Variants in FOXP1 observed in about 807,000 individuals in gnomAD.
The protein encoded by FOXP1 is forkhead box protein P1.
Under a neutral mutation model 98.2 loss-of-function variants are expected in FOXP1, and 15 were observed. The observed-to-expected ratio is 0.15, with a 90% CI of 0.10 to 0.24. FOXP1 has a LOEUF of 0.24. Ranked by LOEUF, FOXP1 falls within the 10% of genes least tolerant of loss-of-function variation. FOXP1 has a pLI of 1.00. For missense variants in FOXP1, 633 were observed against 848.5 expected, an observed-to-expected ratio of 0.75 and a Z score of 3.15; for synonymous variants, 371 against 314.5, an observed-to-expected ratio of 1.18 and a Z score of -1.90.
chr3:70,973,390 C>G (rs2036761797), intron 17 of FOXP1, among the ~76,000 whole-genome samples: 1 of 152,174 alleles, frequency 6.6e-6, no homozygotes, highest in Non-Finnish European at 1.5e-5. Context: ...GGCAAAATGA[C>G]TATATTCCTA....
At chr3:70,992,112 C>T (rs928125285) in intron 13 of FOXP1, among the ~76,000 whole-genome samples, 2 of 152,166 alleles carry the variant, frequency 1.3e-5, no homozygotes, top group East Asian at 1.9e-4. Context: ...GAAACGACTG[C>T]GGTCTCACCT....
Position 71,268,089 on chromosome 3 carries a change from T to TC in FOXP1, c.-12+31730dup, listed in dbSNP as rs201272618. Among the ~76,000 whole-genome samples the TC allele has an allele frequency of 5.4e-3, 740 of 136,878 alleles. 29 individuals are homozygous for TC. The highest frequency in any genetic ancestry group is 0.02 in the African/African-American group (709 of 36,070). 89.8% of individuals were successfully genotyped at this position (136,878 alleles called of 152,430 possible). A position where few individuals can be genotyped will look rare whatever the true frequency, so the allele number is the denominator to read the frequency against. The stretch of plus-strand genomic sequence containing the variant: ...TCAGCTTCTTTTTTTTCTTTTCTTT[T>TC]CTTTTTTTTTTTTTTTTTTGAGACA... On this transcript the variant is annotated intron_variant, in intron 5 of 20. Coordinates refer to ENST00000649528, the MANE Select transcript of FOXP1 (RefSeq NM_001349338.3).
intron 3 of FOXP1, among the ~76,000 whole-genome samples, chr3:71,379,306 C>T (rs766567987): frequency 5.9e-5 from 9 of 152,308 alleles, no homozygotes; most frequent in Middle Eastern, 3.4e-3. Flanking sequence ...CAACAAATTA[C>T]ACTGGACCGC....
chr3:71,311,126 C>G (rs535553815), intron 4 of FOXP1, among the ~76,000 whole-genome samples: 34 of 152,262 alleles, frequency 2.2e-4, no homozygotes, highest in African/African-American at 8.2e-4. Flanking sequence ...GTTGCCCAAG[C>G]TGGAGTGCAG....
chr3:71,583,784 T>C, upstream of FOXP1: 2 of 986,416 alleles, frequency 2.0e-6, no homozygotes, highest in Non-Finnish European at 2.4e-6. Flanking sequence ...CGGACTAGCT[T>C]CCCGGAGCCC....
chr3:71,391,799 A>AT (rs1205311419), intron 3 of FOXP1, among the ~76,000 whole-genome samples: 1 of 152,218 alleles, frequency 6.6e-6, no homozygotes, highest in African/African-American at 2.4e-5. Context: ...GCAGCAATCT[A>AT]TATCTGTGAG....
chr3:71,455,356 T>C (rs2087373905), intron 3 of FOXP1, among the ~76,000 whole-genome samples: 1 of 152,160 alleles, frequency 6.6e-6, no homozygotes, highest in South Asian at 2.1e-4. Flanking sequence ...ATTCACTTTG[T>C]CTAGGACCAA....
At chr3:71,278,639 G>C (rs999960379) in intron 5 of FOXP1, among the ~76,000 whole-genome samples, 2 of 152,102 alleles carry the variant, frequency 1.3e-5, no homozygotes, top group African/African-American at 4.8e-5. Flanking sequence ...ACATTAGCCA[G>C]GTATGGTGGT....
At chr3:71,016,709 C>T (rs1364169286) in intron 11 of FOXP1, among the ~76,000 whole-genome samples, 2 of 150,334 alleles carry the variant, frequency 1.3e-5, no homozygotes, top group Non-Finnish European at 3.0e-5. Flanking sequence ...ACACAAGAGG[C>T]CTGTATTTCA....
At chr3:70,963,429 A>G (rs3773494) in intron 20 of FOXP1, among the ~76,000 whole-genome samples, 11,305 of 152,286 alleles carry the variant, frequency 0.074, 780 homozygotes, top group East Asian at 0.31. Context: ...CGAAAGATAC[A>G]TTTGAGATGA....
intron 5 of FOXP1, among the ~76,000 whole-genome samples, chr3:71,270,799 C>T (rs2070273381): frequency 6.6e-6 from 1 of 152,274 alleles, no homozygotes; most frequent in South Asian, 2.1e-4. Context: ...GTTTCATCTT[C>T]GACTCTTTCT....
chr3:71,154,304 C>T (rs552799247), intron 6 of FOXP1, among the ~76,000 whole-genome samples: 4 of 152,182 alleles, frequency 2.6e-5, no homozygotes, highest in African/African-American at 9.6e-5. Flanking sequence ...CTGCGGTCAC[C>T]ATGCTGCACA....
intron 2 of FOXP1, among the ~76,000 whole-genome samples, chr3:71,563,545 G>A (rs1341797769): frequency 2.0e-5 from 3 of 152,164 alleles, no homozygotes; most frequent in Non-Finnish European, 2.9e-5. Flanking sequence ...TATAACCACC[G>A]GGCTGTGAGA....
At chr3:71,021,854 A>G (rs1380084825) in intron 11 of FOXP1, among the ~76,000 whole-genome samples, 1 of 152,082 alleles carries the variant, frequency 6.6e-6, no homozygotes, top group East Asian at 1.9e-4. Context: ...GCCTTTGCCT[A>G]TTTTTTAATT....
intron 2 of FOXP1, among the ~76,000 whole-genome samples, chr3:71,565,450 G>A (rs186008531): frequency 3.9e-5 from 6 of 152,146 alleles, no homozygotes; most frequent in African/African-American, 7.2e-5. Flanking sequence ...GCAGTGATGG[G>A]GGGGGAGCTA....
chr3:71,020,724 C>T (rs2045305355), intron 11 of FOXP1, among the ~76,000 whole-genome samples: 1 of 152,206 alleles, frequency 6.6e-6, no homozygotes, highest in Non-Finnish European at 1.5e-5. Flanking sequence ...AGATTCCGAG[C>T]TTTTCCTGTG....
At chr3:71,167,667 T>C (rs2061454584) in intron 6 of FOXP1, among the ~76,000 whole-genome samples, 1 of 152,216 alleles carries the variant, frequency 6.6e-6, no homozygotes, top group Admixed American at 6.5e-5. Context: ...ACTGCACCAA[T>C]AGCTTTCACT....
intron 4 of FOXP1, among the ~76,000 whole-genome samples, chr3:71,303,343 C>T (rs779775642): frequency 6.6e-6 from 1 of 152,232 alleles, no homozygotes; most frequent in South Asian, 2.1e-4. Context: ...GCAAAGCAAG[C>T]CCCTGGGTGG....
intron 2 of FOXP1, among the ~76,000 whole-genome samples, chr3:71,526,127 TATAAATAA>T (rs35739317): frequency 4.2e-4 from 60 of 143,864 alleles, no homozygotes; most frequent in African/African-American, 1.3e-3. Flanking sequence ...TCTCTAAATA[TATAAATAA>T]ATAAACAAAC....
Sources: gnomAD v4.1 joint callset for allele counts (sites outside exome capture counted in the v4.1 genomes callset) on GRCh38, gnomAD v4.1.1 for gene constraint, MANE v1.5 for transcripts, NCBI Gene and HGNC (gene_info 2026-07-23, HGNC 2026-07-21) for gene names.